Variants in CHEK2 observed in about 807,000 individuals in gnomAD.
CHEK2 encodes checkpoint kinase 2.
A neutral mutation model predicts 69.1 loss-of-function variants in CHEK2; 71 were observed. The ratio of observed to expected loss-of-function variants is 1.03; its 90% CI spans 0.85 to 1.25. CHEK2 has a LOEUF of 1.25. Among genes scored for constraint, CHEK2 ranks in the 50% most tolerant of loss-of-function variants. The pLI is 0.00. For missense variants in CHEK2, 664 were observed against 649.6 expected, an observed-to-expected ratio of 1.02 and a Z score of -0.24; for synonymous variants, 189 against 226.9, an observed-to-expected ratio of 0.83 and a Z score of 1.50.
intron 8 of CHEK2, among the ~76,000 whole-genome samples, chr22:28,702,588 C>G (rs4820791): frequency 0.26 from 37,212 of 145,248 alleles, 5,188 homozygotes; most frequent in Admixed American, 0.33. Context: ...ACTCTGTGGC[C>G]CAGGCTGGAG....
rs548348072 is a variant in CHEK2 at position 28,719,621 on chromosome 22, G to A, written c.593-136C>T. On this transcript the variant is annotated intron_variant, in intron 4 of 14. Transcript: ENST00000404276. ...TTAACATGTAACCTTAAGGAAATTA[G>A]TATGTATGTAATATAATAGGTATTA... The A allele has an allele frequency of 8.6e-5, 52 of 605,954 alleles. No individual in the cohort carries two copies. In the African/African-American group the frequency reaches 9.3e-4, roughly 11 times the overall value. 37.5% of individuals were successfully genotyped at this position (605,954 alleles called of 1,614,324 possible). A position where few individuals can be genotyped will look rare whatever the true frequency, so the allele number is the denominator to read the frequency against.
Position 28,699,694 on chromosome 22 carries a change from A to G in CHEK2, c.1008+144T>C, listed in dbSNP as rs542334208. The G allele has an allele frequency of 1.3e-5, 9 of 713,336 alleles. No individual in the cohort carries two copies. The Admixed American group carries it at 1.9e-4, about 15-fold the overall frequency. The allele number at this position is 713,336 out of a possible 1,614,324, so 44.2% of individuals were successfully genotyped here. A position where few individuals can be genotyped will look rare whatever the true frequency, so the allele number is the denominator to read the frequency against. On this transcript the variant is annotated intron_variant, in intron 9 of 14. Transcript: ENST00000404276. ...GCTTTTTCATCTCAGTGAAAGGAGT[A>G]GGACATTTTTGCCAAGAAGAGAACA...
chr22:28,697,027 T>C (rs576700526), intron 9 of CHEK2, 40 bp from the exon 10 acceptor site: 9 of 1,261,782 alleles, frequency 7.1e-6, no homozygotes, highest in African/African-American at 1.5e-5. Flanking sequence ...ATTCATGCAG[T>C]AGATACTTAA....
intron 5 of CHEK2, among the ~76,000 whole-genome samples, chr22:28,715,145 TGTA>T (rs1345578346): frequency 6.6e-6 from 1 of 152,192 alleles, no homozygotes. Context: ...TTCTCTCTGT[TGTA>T]GTTTCTAGAC....
chr22:28,708,402 TTAAA>T (rs2053251669), intron 7 of CHEK2, among the ~76,000 whole-genome samples: 1 of 146,850 alleles, frequency 6.8e-6, no homozygotes, highest in Non-Finnish European at 1.5e-5. Flanking sequence ...TGTGTGTGTG[TTAAA>T]GAGAGACTCC....
chr22:28,697,172 A>T (rs527300711), intron 9 of CHEK2, among the ~76,000 whole-genome samples, 185 bp from the exon 10 acceptor site: 1 of 152,204 alleles, frequency 6.6e-6, no homozygotes, highest in Non-Finnish European at 1.5e-5. Context: ...AAGATCTTTA[A>T]AAAGCAGGGA....
intron 8 of CHEK2, 84 bp from the exon 9 acceptor site, chr22:28,700,021 C>T: frequency 1.1e-6 from 1 of 871,964 alleles, no homozygotes; most frequent in Non-Finnish European, 1.9e-6. Flanking sequence ...AAAACAAATT[C>T]ATTAAGACAA....
At chr22:28,690,255 G>T (rs1398320445) in intron 13 of CHEK2, among the ~76,000 whole-genome samples, 1 of 152,202 alleles carries the variant, frequency 6.6e-6, no homozygotes, top group Non-Finnish European at 1.5e-5. Context: ...ACTTTGGGAG[G>T]CCAAGGTGGG....
At position 28,700,034 on chromosome 22, in the gene CHEK2, A is replaced by C; in HGVS notation, c.909-97T>G. ...ACAAAACAAATTCATTAAGACAAGC[A>C]AACAGTTGACATTTTTATTCACTTT... On this transcript the variant is annotated intron_variant, in intron 8 of 14. Coordinates refer to ENST00000404276, the MANE Select transcript of CHEK2 (RefSeq NM_007194.4). The C allele has an allele frequency of 5.1e-6, 4 of 783,192 alleles. 1 individual carries two copies. In the South Asian group the frequency reaches 6.5e-5, roughly 13 times the overall value. The allele number at this position is 783,192 out of a possible 1,614,324, so 48.5% of individuals were successfully genotyped here.
chr22:28,689,381 A>G (rs1955600378), intron 13 of CHEK2, 166 bp from the exon 14 acceptor site: 3 of 689,854 alleles, frequency 4.3e-6, no homozygotes, highest in Non-Finnish European at 8.0e-6. Context: ...GCCCGCCTCT[A>G]CCTTCCCAGA....
At chr22:28,715,031 T>C (rs1222352622) in intron 5 of CHEK2, among the ~76,000 whole-genome samples, 1 of 152,158 alleles carries the variant, frequency 6.6e-6, no homozygotes, top group Non-Finnish European at 1.5e-5. Flanking sequence ...GCCATGATCA[T>C]GCCACCGCAC....
chr22:28,737,072 A>C lies in CHEK2; in HGVS notation c.-6-2345T>G, dbSNP rs1015503635. Among the ~76,000 whole-genome samples the C allele has an allele frequency of 3.3e-5, 5 of 152,146 alleles. No individual in the cohort carries two copies. The South Asian group carries it at 6.2e-4, about 19-fold the overall frequency. On this transcript the variant is annotated intron_variant, in intron 1 of 14. Coordinates refer to ENST00000404276, the MANE Select transcript of CHEK2 (RefSeq NM_007194.4). The stretch of plus-strand genomic sequence containing the variant: ...GAGGAGGGCATTCTCTTCCTCCCCA[A>C]ACTCAGGCTACTACTCTAGGAGAAC...
intron 2 of CHEK2, among the ~76,000 whole-genome samples, chr22:28,728,593 T>A (rs2054087758): frequency 2.0e-5 from 3 of 152,084 alleles, no homozygotes; most frequent in Admixed American, 1.3e-4. Context: ...TCCCAGCTAC[T>A]CTGGAGGCTG....
chr22:28,729,678 A>G (rs933711698), intron 2 of CHEK2, among the ~76,000 whole-genome samples: 1 of 152,090 alleles, frequency 6.6e-6, no homozygotes, highest in African/African-American at 2.4e-5. Context: ...GGCAAAATGC[A>G]ACACCCTTTT....
At chr22:28,692,565 A>G (rs978372244) in intron 13 of CHEK2, among the ~76,000 whole-genome samples, 1 of 152,188 alleles carries the variant, frequency 6.6e-6, no homozygotes, top group Non-Finnish European at 1.5e-5. Context: ...GGAACAGAGA[A>G]CAGGGACAGT....
intron 2 of CHEK2, 148 bp downstream of exon 2, chr22:28,734,255 T>C: frequency 1.4e-6 from 1 of 740,450 alleles, no homozygotes; most frequent in Non-Finnish European, 2.3e-6. Context: ...ATCTATGCTT[T>C]CATTGCTTGT....
At chr22:28,729,540 C>CAAAAAAA (rs58149342) in intron 2 of CHEK2, among the ~76,000 whole-genome samples, 6 of 83,076 alleles carry the variant, frequency 7.2e-5, no homozygotes, top group African/African-American at 1.6e-4. Context: ...GACTCCATCT[C>CAAAAAAA]AAAAAAAAAA....
intron 9 of CHEK2, 148 bp downstream of exon 9, chr22:28,699,690 G>C: frequency 1.4e-6 from 1 of 705,676 alleles, no homozygotes; most frequent in South Asian, 1.5e-5. Flanking sequence ...TCAGTGAAAG[G>C]AGTAGGACAT....
chr22:28,729,183 C>T (rs2054108909), intron 2 of CHEK2: 1 of 180,678 alleles, frequency 5.5e-6, no homozygotes, highest in East Asian at 1.9e-4. Context: ...ATATAAAAAT[C>T]CTCAACAAAA....
Sources: allele counts gnomAD v4.1 joint callset (sites outside exome capture counted in the v4.1 genomes callset), GRCh38; gene constraint gnomAD v4.1.1; transcripts MANE v1.5; gene names NCBI Gene and HGNC (gene_info 2026-07-23, HGNC 2026-07-21).